LSAMP: variants seen among roughly 807,000 people sequenced by gnomAD.
The protein encoded by LSAMP is limbic system associated membrane protein.
Under a neutral mutation model 38.6 loss-of-function variants are expected in LSAMP, and 7 were observed. The observed-to-expected ratio is 0.18, with a 90% CI of 0.10 to 0.34. The LOEUF is 0.34. LSAMP is among the 10% of genes least tolerant of loss of function. LSAMP has a pLI of 1.00. For synonymous variants in LSAMP, 154 were observed against 166.8 expected (o/e 0.92, Z 0.59); for missense variants, 313 against 420.0 (o/e 0.75, Z 2.23).
chr3:116,328,311 T>A (rs920753102), intron 1 of LSAMP, among the ~76,000 whole-genome samples: 2 of 152,190 alleles, frequency 1.3e-5, no homozygotes, highest in African/African-American at 4.8e-5. Flanking sequence ...AGCCTGACAC[T>A]GATGATGGGA....
intron 1 of LSAMP, among the ~76,000 whole-genome samples, chr3:116,206,999 T>TGG (rs2046078982): frequency 6.6e-6 from 1 of 150,686 alleles, no homozygotes; most frequent in African/African-American, 2.4e-5. Context: ...ATGTTGACAG[T>TGG]GGGGTGTTAA....
intron 1 of LSAMP, among the ~76,000 whole-genome samples, chr3:116,371,946 A>C (rs1294202723): frequency 1.3e-5 from 2 of 152,110 alleles, no homozygotes; most frequent in Non-Finnish European, 2.9e-5. Flanking sequence ...CATCAAAAAC[A>C]ACAAAATACT....
At chr3:116,189,799 A>G (rs112465477) in intron 1 of LSAMP, among the ~76,000 whole-genome samples, 131 of 152,270 alleles carry the variant, frequency 8.6e-4, no homozygotes, top group Non-Finnish European at 1.6e-3. Flanking sequence ...AATGACAAGT[A>G]AAAGAGACAT....
chr3:116,305,986 T>C (rs2047480388), intron 1 of LSAMP, among the ~76,000 whole-genome samples: 1 of 151,862 alleles, frequency 6.6e-6, no homozygotes, highest in Non-Finnish European at 1.5e-5. Flanking sequence ...CTTTTTTGAA[T>C]TTGTACTGTG....
At chr3:116,076,059 A>T (rs76677857) in intron 2 of LSAMP, among the ~76,000 whole-genome samples, 2,906 of 152,242 alleles carry the variant, frequency 0.019, 95 homozygotes, top group African/African-American at 0.066. Context: ...ACAATTTTTT[A>T]AAAAATTAAT....
chr3:116,391,790 C>G (rs2048703203), intron 1 of LSAMP, among the ~76,000 whole-genome samples: 1 of 152,142 alleles, frequency 6.6e-6, no homozygotes, highest in South Asian at 2.1e-4. Flanking sequence ...AGGGATCCAG[C>G]CAGCAGTGTG....
intron 2 of LSAMP, among the ~76,000 whole-genome samples, chr3:116,026,702 T>C (rs1397650041): frequency 6.6e-6 from 1 of 152,180 alleles, no homozygotes; most frequent in African/African-American, 2.4e-5. Flanking sequence ...CTTAATCTCT[T>C]GTTGGCAGAC....
intron 1 of LSAMP, among the ~76,000 whole-genome samples, chr3:116,296,882 T>C (rs566884637): frequency 6.6e-6 from 1 of 152,148 alleles, no homozygotes; most frequent in South Asian, 2.1e-4. Flanking sequence ...AATTTGTTAT[T>C]ACATAAACAA....
intron 1 of LSAMP, among the ~76,000 whole-genome samples, chr3:116,195,130 G>C (rs1287669421): frequency 6.6e-6 from 1 of 152,092 alleles, no homozygotes; most frequent in African/African-American, 2.4e-5. Flanking sequence ...ATAGTCTTTG[G>C]AGATGGCTAT....
chr3:116,190,292 C>T (rs549692705), intron 1 of LSAMP, among the ~76,000 whole-genome samples: 1 of 152,110 alleles, frequency 6.6e-6, no homozygotes, highest in Non-Finnish European at 1.5e-5. Flanking sequence ...GATAGATTTA[C>T]CTTCCTTTCC....
chr3:116,380,758 G>T (rs1173785980), intron 1 of LSAMP, among the ~76,000 whole-genome samples: 1 of 151,950 alleles, frequency 6.6e-6, no homozygotes, highest in Non-Finnish European at 1.5e-5. Flanking sequence ...TTCATAATAT[G>T]AATATATTAC....
At chr3:116,266,072 C>T (rs963158938) in intron 1 of LSAMP, among the ~76,000 whole-genome samples, 1 of 151,972 alleles carries the variant, frequency 6.6e-6, no homozygotes, top group Non-Finnish European at 1.5e-5. Flanking sequence ...AATTTGCTGA[C>T]TATTTTGTCC....
intron 1 of LSAMP, among the ~76,000 whole-genome samples, chr3:116,291,472 T>C (rs77192595): frequency 0.017 from 2,564 of 152,286 alleles, 64 homozygotes; most frequent in African/African-American, 0.057. Context: ...AATAAGTGCT[T>C]TGGCCTAGAT....
intron 3 of LSAMP, among the ~76,000 whole-genome samples, chr3:115,942,034 TATTA>T (rs796097567): frequency 6.6e-5 from 10 of 152,252 alleles, no homozygotes; most frequent in African/African-American, 2.2e-4. Flanking sequence ...ATATTTTTTC[TATTA>T]ATTGTACAAT....
At chr3:116,033,834 T>C (rs532449887) in intron 2 of LSAMP, among the ~76,000 whole-genome samples, 35 of 152,276 alleles carry the variant, frequency 2.3e-4, no homozygotes, top group Non-Finnish European at 4.3e-4. Flanking sequence ...GAGAACGTGA[T>C]GCAGATGTGC....
intron 1 of LSAMP, among the ~76,000 whole-genome samples, chr3:116,143,436 T>C (rs1238631526): frequency 2.6e-5 from 4 of 151,994 alleles, no homozygotes; most frequent in African/African-American, 7.2e-5. Context: ...TAATAACTAA[T>C]TGTACATCTT....
chr3:115,984,346 T>C lies in LSAMP; in HGVS notation c.514+35169A>G, dbSNP rs76052073. 6.6e-3 allele frequency among the ~76,000 whole-genome samples: 1,006 copies of C among 152,292 alleles called. 5 individuals are homozygous for C. Among genetic ancestry groups the C allele is most frequent in the Non-Finnish European group, 9.5e-3 (643 of 68,010 alleles). ...GAGATTTCCTTCAAAGAGTTAGATATATGGGCCTTAAACTCAAGATATAGG... is the reference window on the plus strand; with the variant it reads ...GAGATTTCCTTCAAAGAGTTAGATACATGGGCCTTAAACTCAAGATATAGG... On this transcript the variant is annotated intron_variant, in intron 3 of 6. Coordinates refer to ENST00000490035, the MANE Select transcript of LSAMP (RefSeq NM_002338.5).
At chr3:115,918,893 T>C (rs1400468066) in intron 3 of LSAMP, among the ~76,000 whole-genome samples, 1 of 152,156 alleles carries the variant, frequency 6.6e-6, no homozygotes, top group Non-Finnish European at 1.5e-5. Flanking sequence ...ATTTTTCTCA[T>C]TTAATCTTGT....
At chr3:116,117,264 C>G (rs1027190275) in intron 1 of LSAMP, among the ~76,000 whole-genome samples, 5 of 152,116 alleles carry the variant, frequency 3.3e-5, no homozygotes, top group Admixed American at 1.3e-4. Flanking sequence ...GCAGGGTGAC[C>G]TGGCTATGCT....
Sources: allele counts gnomAD v4.1 joint callset (sites outside exome capture counted in the v4.1 genomes callset), GRCh38; gene constraint gnomAD v4.1.1; transcripts MANE v1.5; gene names NCBI Gene and HGNC (gene_info 2026-07-23, HGNC 2026-07-21).